SLC39A10: variants seen among roughly 807,000 people sequenced by gnomAD.
SLC39A10 encodes solute carrier family 39 member 10, also known as zinc transporter ZIP10.
SLC39A10 carries 13 observed loss-of-function variants against 65.1 expected under a neutral mutation model. The observed-to-expected ratio is 0.20, with a 90% CI of 0.13 to 0.32. The LOEUF is 0.32. Among genes scored for constraint, SLC39A10 ranks in the 10% least tolerant of loss-of-function variants. The pLI is 1.00. For synonymous variants in SLC39A10, 321 were observed against 342.2 expected, an observed-to-expected ratio of 0.94 and a Z score of 0.68; for missense variants, 831 against 1,018.4, an observed-to-expected ratio of 0.82 and a Z score of 2.50.
intron 1 of SLC39A10, among the ~76,000 whole-genome samples, chr2:195,677,501 T>TTG (rs1480425610): frequency 5.9e-5 from 9 of 152,048 alleles, no homozygotes; most frequent in Non-Finnish European, 1.0e-4. Context: ...GCCACTGTAC[T>TTG]CTAGCCTGGG....
Position 195,736,681 on chromosome 2 carries a change from T to C in SLC39A10, c.*1640T>C, listed in dbSNP as rs1193039125. 1 of 152,134 alleles carries C rather than the reference T, an allele frequency of 6.6e-6. No homozygotes were observed. Among genetic ancestry groups the C allele is most frequent in the Non-Finnish European group, 1.5e-5 (1 of 67,978 alleles). 9.4% of individuals were successfully genotyped at this position (152,134 alleles called of 1,614,324 possible). A position where few individuals can be genotyped will look rare whatever the true frequency, so the allele number is the denominator to read the frequency against. ...CAAGGGAGCTTAGGTGTTATTTCTT[T>C]AATTTATGCTTGAATCTGAAAAATT... On this transcript the variant is annotated 3_prime_UTR_variant, in exon 10 of 10. Transcript: ENST00000359634.
rs191610429 is a variant in SLC39A10 at position 195,626,043 on chromosome 2, C to T, written c.-12+19810C>T. On this transcript the variant is annotated intron_variant, in intron 2 of 2. Coordinates refer to the SLC39A10 transcript ENST00000458054. ...AAATGATCTGCCCTCCTTGGACTCC[C>T]GAAGTGCTGGAATTATAGAAGTGAG... 2.1e-3 allele frequency among the ~76,000 whole-genome samples: 313 copies of T among 152,280 alleles called. 1 individual carries two copies. The highest frequency in any genetic ancestry group is 4.3e-3 in the Admixed American group (65 of 15,286).
intron 2 of SLC39A10, among the ~76,000 whole-genome samples, chr2:195,642,066 A>G (rs1251200319): frequency 2.6e-5 from 4 of 152,146 alleles, no homozygotes; most frequent in African/African-American, 9.7e-5. Flanking sequence ...TAGGGCAGAT[A>G]TTGTTTGTCA....
At chr2:195,669,131 A>G (rs1396776602) in intron 1 of SLC39A10, among the ~76,000 whole-genome samples, 1 of 151,486 alleles carries the variant, frequency 6.6e-6, no homozygotes, top group African/African-American at 2.4e-5. Flanking sequence ...TGGAACTAGG[A>G]TTATTTTAGT....
chr2:195,674,279 A>G (rs1208970991), intron 1 of SLC39A10, among the ~76,000 whole-genome samples: 1 of 151,760 alleles, frequency 6.6e-6, no homozygotes, highest in African/African-American at 2.4e-5. Context: ...ACTTTTCCTT[A>G]TTTTATTTTA....
chr2:195,647,309 C>G (rs138622351), intron 2 of SLC39A10, among the ~76,000 whole-genome samples: 1 of 151,982 alleles, frequency 6.6e-6, no homozygotes, highest in Non-Finnish European at 1.5e-5. Context: ...ACTTGCCCAC[C>G]GAAAATTCTT....
chr2:195,689,898 C>T (rs1054608993), intron 3 of SLC39A10, among the ~76,000 whole-genome samples: 1 of 152,086 alleles, frequency 6.6e-6, no homozygotes, highest in Non-Finnish European at 1.5e-5. Context: ...TCTTCCTGGC[C>T]GGTCACAGTG....
chr2:195,678,509 G>T (rs1480052384), intron 1 of SLC39A10, among the ~76,000 whole-genome samples: 1 of 148,262 alleles, frequency 6.7e-6, no homozygotes, highest in African/African-American at 2.5e-5. Context: ...ATATATTTTT[G>T]AGTATACATT....
chr2:195,614,555 A>C (rs1363890451), intron 2 of SLC39A10, among the ~76,000 whole-genome samples: 1 of 152,164 alleles, frequency 6.6e-6, no homozygotes, highest in Admixed American at 6.5e-5. Flanking sequence ...CTTTGACATA[A>C]AATATTGCTG....
At chr2:195,695,926 A>G (rs1160657379) in intron 3 of SLC39A10, among the ~76,000 whole-genome samples, 1 of 152,158 alleles carries the variant, frequency 6.6e-6, no homozygotes, top group African/African-American at 2.4e-5. Flanking sequence ...CATATATTTA[A>G]TTTAGGTATT....
At chr2:195,683,051 T>C (rs1218397224) in intron 2 of SLC39A10, among the ~76,000 whole-genome samples, 2 of 152,050 alleles carry the variant, frequency 1.3e-5, no homozygotes, top group Admixed American at 6.5e-5. Flanking sequence ...TAGATACTTG[T>C]TTTTAACCAT....
chr2:195,695,509 G>A (rs1329929096), intron 3 of SLC39A10, among the ~76,000 whole-genome samples: 1 of 152,174 alleles, frequency 6.6e-6, no homozygotes, highest in Non-Finnish European at 1.5e-5. Flanking sequence ...GCAGGACTGA[G>A]AACTGCCCGA....
At position 195,657,424 on chromosome 2, in the gene SLC39A10, G is replaced by C. The variant is rs1689189194; in HGVS notation, c.-12+143G>C. ...TCGGGGCTGGTTCCCTCGGGGATGC[G>C]GGCGCTGGGGTTCCCGCAGCTGCTG... On this transcript the variant is annotated intron_variant, in intron 1 of 9. Transcript: ENST00000359634. The C allele has an allele frequency of 4.1e-6, 4 of 985,674 alleles. No homozygotes were observed. The South Asian group carries it at 1.9e-4, about 46-fold the overall frequency. The allele number at this position is 985,674 out of a possible 1,614,324, so 61.1% of individuals were successfully genotyped here. A position where few individuals can be genotyped will look rare whatever the true frequency, so the allele number is the denominator to read the frequency against.
At chr2:195,651,282 G>A (rs1395514132) in intron 2 of SLC39A10, among the ~76,000 whole-genome samples, 5 of 152,042 alleles carry the variant, frequency 3.3e-5, no homozygotes, top group Non-Finnish European at 5.9e-5. Flanking sequence ...TGTGTTTGCC[G>A]TGTTAGATGT....
At chr2:195,617,119 A>G (rs1407941399) in intron 2 of SLC39A10, among the ~76,000 whole-genome samples, 1 of 152,208 alleles carries the variant, frequency 6.6e-6, no homozygotes, top group Admixed American at 6.5e-5. Context: ...ATTCTTCGAT[A>G]GTGCATTATA....
intron 3 of SLC39A10, among the ~76,000 whole-genome samples, chr2:195,697,047 T>C (rs1256244050): frequency 6.6e-6 from 1 of 152,132 alleles, no homozygotes; most frequent in Non-Finnish European, 1.5e-5. Context: ...ATCATCTTCA[T>C]GTTGAGTAGG....
At chr2:195,685,140 T>C (rs930414828) in intron 3 of SLC39A10, among the ~76,000 whole-genome samples, 18 of 152,060 alleles carry the variant, frequency 1.2e-4, no homozygotes, top group African/African-American at 4.3e-4. Context: ...GAGGGAGATA[T>C]TATGATCCTT....
intron 2 of SLC39A10, among the ~76,000 whole-genome samples, chr2:195,633,540 T>G (rs1194500419): frequency 6.6e-6 from 1 of 152,178 alleles, no homozygotes; most frequent in African/African-American, 2.4e-5. Context: ...GGGTCTAGTG[T>G]GACAGCCTGC....
chr2:195,715,353 C>A (rs1691754587), intron 6 of SLC39A10, among the ~76,000 whole-genome samples: 1 of 151,588 alleles, frequency 6.6e-6, no homozygotes, highest in Admixed American at 6.6e-5. Flanking sequence ...TGGTGAAACC[C>A]CGTCTCTACT....
Sources: gnomAD v4.1 joint callset for allele counts (sites outside exome capture counted in the v4.1 genomes callset) on GRCh38, gnomAD v4.1.1 for gene constraint, MANE v1.5 for transcripts, NCBI Gene and HGNC (gene_info 2026-07-23, HGNC 2026-07-21) for gene names.